GNG4: variants seen among roughly 807,000 people sequenced by gnomAD.
GNG4 encodes the protein guanine nucleotide-binding protein G(I)/G(S)/G(O) subunit gamma-4.
A neutral mutation model predicts 5.8 loss-of-function variants in GNG4; 4 were observed. The observed-to-expected ratio is 0.69, with a 90% CI of 0.34 to 1.57. The LOEUF is 1.57. Among genes scored for constraint, GNG4 ranks in the 40% most tolerant of loss-of-function variants. The pLI is 0.06. For missense variants in GNG4, 96 were observed against 95.1 expected (o/e 1.01, Z -0.04); for synonymous variants, 29 against 32.9 (o/e 0.88, Z 0.41).
intron 1 of GNG4, among the ~76,000 whole-genome samples, chr1:235,643,424 A>C (rs1304404225): frequency 3.9e-5 from 6 of 152,172 alleles, no homozygotes; most frequent in African/African-American, 9.7e-5. Flanking sequence ...CTGTGCACTA[A>C]TCCAGGGTAG....
intron 1 of GNG4, among the ~76,000 whole-genome samples, chr1:235,622,706 C>T (rs549738792): frequency 6.6e-6 from 1 of 151,884 alleles, no homozygotes; most frequent in South Asian, 2.1e-4. Flanking sequence ...CATGGTGAAA[C>T]CCCGTCTCTA....
chr1:235,623,890 TA>T (rs1688757895), intron 1 of GNG4, among the ~76,000 whole-genome samples: 1 of 152,182 alleles, frequency 6.6e-6, no homozygotes, highest in South Asian at 2.1e-4. Flanking sequence ...TTATTTCTAT[TA>T]TCTATCTGAT....
At chr1:235,563,770 A>G (rs1281903532) in intron 3 of GNG4, among the ~76,000 whole-genome samples, 1 of 152,204 alleles carries the variant, frequency 6.6e-6, no homozygotes, top group African/African-American at 2.4e-5. Flanking sequence ...AAAAGACATT[A>G]GGAGCTTTTG....
intron 1 of GNG4, among the ~76,000 whole-genome samples, chr1:235,613,614 T>C (rs1688528050): frequency 6.6e-6 from 1 of 152,144 alleles, no homozygotes; most frequent in African/African-American, 2.4e-5. Flanking sequence ...GTGTCCAGCC[T>C]CTAGAAGCTG....
intron 3 of GNG4, among the ~76,000 whole-genome samples, chr1:235,573,851 T>C (rs1180716262): frequency 6.6e-6 from 1 of 152,162 alleles, no homozygotes; most frequent in African/African-American, 2.4e-5. Context: ...ACTGGTTAAT[T>C]ATTGTACATC....
chr1:235,568,522 A>AC (rs1687257656), intron 3 of GNG4, among the ~76,000 whole-genome samples: 1 of 152,242 alleles, frequency 6.6e-6, no homozygotes, highest in African/African-American at 2.4e-5. Context: ...GAAAAGCAGC[A>AC]CATATTTGCA....
chr1:235,641,148 G>A (rs1238670847), intron 1 of GNG4, among the ~76,000 whole-genome samples: 1 of 152,206 alleles, frequency 6.6e-6, no homozygotes, highest in African/African-American at 2.4e-5. Flanking sequence ...CACTTTGGGA[G>A]GCCGAAGTGG....
intron 1 of GNG4, among the ~76,000 whole-genome samples, chr1:235,637,265 A>G (rs1050785252): frequency 4.6e-5 from 7 of 151,918 alleles, no homozygotes; most frequent in East Asian, 1.9e-4. Context: ...CGTGTCCTTT[A>G]TTTAAAAAAA....
At chr1:235,576,477 T>C (rs1276316988) in intron 3 of GNG4, among the ~76,000 whole-genome samples, 1 of 152,236 alleles carries the variant, frequency 6.6e-6, no homozygotes, top group Admixed American at 6.5e-5. Flanking sequence ...CCAAAATTCA[T>C]CTTTCATGTG....
Position 235,547,719 on chromosome 1 carries a change from A to G in GNG4, c.*4390T>C, listed in dbSNP as rs988172476. On this transcript the variant is annotated 3_prime_UTR_variant, in exon 4 of 4. Transcript: ENST00000391854. ...ACAAAGCCCAACTTTTTATTGAAGT[A>G]TAACATACACACAGAAAAGTGCCCA... 1 of 152,308 alleles carries G rather than the reference A, an allele frequency of 6.6e-6. No homozygotes were observed. Among genetic ancestry groups the G allele is most frequent in the Admixed American group, 6.5e-5 (1 of 15,296 alleles). The allele number at this position is 152,308 out of a possible 1,614,324, so 9.4% of individuals were successfully genotyped here.
Position 235,628,421 on chromosome 1 carries a change from G to C in GNG4, c.-123+21241C>G, listed in dbSNP as rs1050871921. Among the ~76,000 whole-genome samples the C allele has an allele frequency of 6.0e-5, 9 of 149,314 alleles. No homozygotes were observed. In the South Asian group the frequency reaches 6.3e-4, roughly 10 times the overall value. On this transcript the variant is annotated intron_variant, in intron 1 of 3. Transcript: ENST00000391854. The stretch of plus-strand genomic sequence containing the variant: ...CACAAAGCCTTGTTAGGAGACGGGG[G>C]GGGGTTACAAGACCCTAGAACAAAA...
rs139605991 is a variant in GNG4, at chr1:235,633,663, A to T, written c.-123+15999T>A. Among the ~76,000 whole-genome samples, 490 of 152,126 alleles carry T rather than the reference A, an allele frequency of 3.2e-3. 2 individuals carry two copies. The highest frequency in any genetic ancestry group is 0.011 in the African/African-American group (445 of 41,498). ...CCACTGTGCCCAGCTAATTTTTAAAATTTTTTGTAGAGACAGAAGTTCACT... is the reference window on the plus strand; with the variant it reads ...CCACTGTGCCCAGCTAATTTTTAAATTTTTTTGTAGAGACAGAAGTTCACT... On this transcript the variant is annotated intron_variant, in intron 1 of 3. Coordinates refer to ENST00000391854, the MANE Select transcript of GNG4 (RefSeq NM_001098722.2).
chr1:235,613,598 A>C lies in GNG4; in HGVS notation c.-122-18087T>G, dbSNP rs574004083. ...GAAGGTGGAAGGGGGCCACAAGTGA[A>C]GGGAAGTGTCCAGCCTCTAGAAGCT... On this transcript the variant is annotated intron_variant, in intron 1 of 3. Transcript: ENST00000391854. 1.6e-4 allele frequency among the ~76,000 whole-genome samples: 24 copies of C among 152,292 alleles called. No homozygotes were observed. In the South Asian group the frequency reaches 4.8e-3, roughly 30 times the overall value.
At chr1:235,616,383 A>C in intron 1 of GNG4, 1 of 334,496 alleles carries the variant, frequency 3.0e-6, no homozygotes, top group Non-Finnish European at 5.8e-6. Flanking sequence ...TATTCAGGAC[A>C]GATCCAGATT....
intron 3 of GNG4, among the ~76,000 whole-genome samples, chr1:235,573,630 A>G (rs1687404347): frequency 1.3e-5 from 2 of 151,962 alleles, no homozygotes; most frequent in Admixed American, 6.6e-5. Context: ...ACAAAAAATT[A>G]GCCGGGTGTG....
In GNG4 at chr1:235,630,105, ATAC is replaced by A. The variant is rs372493432; in HGVS notation, c.-123+19554_-123+19556del. Among the ~76,000 whole-genome samples, 994 of 152,320 alleles carry A rather than the reference ATAC, an allele frequency of 6.5e-3. 8 individuals are homozygous for A. Among genetic ancestry groups the A allele is most frequent in the Non-Finnish European group, 0.011 (775 of 68,030 alleles). On this transcript the variant is annotated intron_variant, in intron 1 of 3. Transcript: ENST00000391854. Reference sequence around the variant, plus strand: ...TTGCACGATAATTTTTCCAGGGTAGATACTACAATAGGATTAGAGTTGGTGAGT... The same window carrying A: ...TTGCACGATAATTTTTCCAGGGTAGATACAATAGGATTAGAGTTGGTGAGT...
rs527657436 is a variant in GNG4 at position 235,551,956 on chromosome 1, C to T, written c.*153G>A. On this transcript the variant is annotated 3_prime_UTR_variant, in exon 4 of 4. Coordinates refer to ENST00000391854, the MANE Select transcript of GNG4 (RefSeq NM_001098722.2). The stretch of plus-strand genomic sequence containing the variant: ...AGGAAAAAAATGAAATTGAATGCCA[C>T]GAAGAAAACAGATGGAAACATAAGA... 40 of 549,594 alleles carry T rather than the reference C, an allele frequency of 7.3e-5. No individual in the cohort carries two copies. The highest frequency in any genetic ancestry group is 4.8e-4 in the South Asian group (14 of 29,070). 34.0% of individuals were successfully genotyped at this position (549,594 alleles called of 1,614,324 possible). A position where few individuals can be genotyped will look rare whatever the true frequency, so the allele number is the denominator to read the frequency against.
chr1:235,640,186 C>A (rs566510806), intron 1 of GNG4, among the ~76,000 whole-genome samples: 1 of 152,050 alleles, frequency 6.6e-6, no homozygotes, highest in African/African-American at 2.4e-5. Flanking sequence ...ATCATGCTTA[C>A]GGTGGTCAAA....
chr1:235,610,266 C>T (rs1688452339), intron 1 of GNG4, among the ~76,000 whole-genome samples: 1 of 152,172 alleles, frequency 6.6e-6, no homozygotes, highest in African/African-American at 2.4e-5. Flanking sequence ...TATCCTTTGC[C>T]AGGAACATCA....
Sources: gnomAD v4.1 joint callset for allele counts (sites outside exome capture counted in the v4.1 genomes callset) on GRCh38, gnomAD v4.1.1 for gene constraint, MANE v1.5 for transcripts, NCBI Gene and HGNC (gene_info 2026-07-23, HGNC 2026-07-21) for gene names.